Variants in ACACB observed in about 807,000 individuals in gnomAD.
The protein encoded by ACACB is acetyl-CoA carboxylase 2.
In ACACB, 209 loss-of-function variants were observed where a neutral mutation model predicts 278.8. That is an observed-to-expected ratio of 0.75 (90% CI 0.67 to 0.84). ACACB has a LOEUF of 0.84. Ranked by LOEUF, ACACB falls within the 40% of genes least tolerant of loss-of-function variation. The pLI is 0.00. For missense variants in ACACB, 2,850 were observed against 3,269.0 expected (o/e 0.87, Z 3.13); for synonymous variants, 1,174 against 1,285.6 (o/e 0.91, Z 1.86).
chr12:109,236,949 A>G (rs1478557666), intron 33 of ACACB, among the ~76,000 whole-genome samples: 4 of 152,062 alleles, frequency 2.6e-5, no homozygotes, highest in Non-Finnish European at 5.9e-5. Context: ...CAGGCTTGCA[A>G]TGCCCATAGC....
intron 52 of ACACB, 143 bp downstream of exon 52, chr12:109,265,668 C>T: frequency 9.4e-7 from 1 of 1,061,434 alleles, no homozygotes; most frequent in Non-Finnish European, 1.4e-6. Context: ...CCCCGCTCCC[C>T]AGCAAAGAGA....
At chr12:109,136,658 G>A (rs1047730323) in intron 1 of ACACB, among the ~76,000 whole-genome samples, 1 of 152,128 alleles carries the variant, frequency 6.6e-6, no homozygotes, top group Non-Finnish European at 1.5e-5. Context: ...CTGGTGTATA[G>A]AAACACAACT....
chr12:109,124,092 T>G (rs1227329804), intron 1 of ACACB, among the ~76,000 whole-genome samples: 1 of 152,122 alleles, frequency 6.6e-6, no homozygotes, highest in Non-Finnish European at 1.5e-5. Context: ...TTTTAAACCA[T>G]TGCCATAATT....
intron 11 of ACACB, among the ~76,000 whole-genome samples, chr12:109,182,682 T>C (rs1195351430): frequency 4.6e-5 from 7 of 152,222 alleles, no homozygotes; most frequent in Non-Finnish European, 1.0e-4. Context: ...GAGCTTCTTA[T>C]GTATTCTGGT....
intron 1 of ACACB, among the ~76,000 whole-genome samples, chr12:109,127,297 G>A (rs1466239150): frequency 6.6e-6 from 1 of 152,120 alleles, no homozygotes; most frequent in Non-Finnish European, 1.5e-5. Context: ...TGTGTGAAAT[G>A]GGATACTTGT....
Position 109,265,153 on chromosome 12 carries a change from G to A in ACACB, c.6986G>A (p.Arg2329His), listed in dbSNP as rs146268113. ...ACCGCACGCACCTTCCTGTATTGGC[G>A]TCTGCGCCGCCTCCTCCTGGAGGAC... is the stretch of plus-strand genomic sequence containing the variant. ...WKTARTFLYWRLRRLLLEDQV... is the reference protein window; with the variant it reads ...WKTARTFLYWHLRRLLLEDQV... Residue 2329 changes from arginine to histidine, a missense_variant, in exon 51 of 53, where the codon CGT becomes CAT. Arg to His is a conservative substitution (Grantham distance 29). Transcript: ENST00000338432. 3.2e-5 allele frequency: 52 copies of A among 1,613,754 alleles called. No individual in the cohort carries two copies. The highest frequency in any genetic ancestry group is 4.4e-5 in the South Asian group (4 of 91,060).
chr12:109,208,498 G>A (rs1397907129), intron 20 of ACACB, among the ~76,000 whole-genome samples: 14 of 152,080 alleles, frequency 9.2e-5, no homozygotes, highest in South Asian at 2.1e-4. Context: ...ATCAGCCACC[G>A]CACCCCACAA....
intron 21 of ACACB, 123 bp from the exon 22 acceptor site, chr12:109,212,713 C>A: frequency 1.3e-6 from 1 of 742,944 alleles, no homozygotes; most frequent in Non-Finnish European, 2.3e-6. Context: ...ACTGTTCAGC[C>A]AGTTCCTAAC....
Position 109,209,157 on chromosome 12 carries a change from C to T in ACACB, c.3061-8C>T, listed in dbSNP as rs369721534. 13 of 1,586,802 alleles carry T rather than the reference C, an allele frequency of 8.2e-6. 1 individual carries two copies. In the East Asian group the frequency reaches 1.8e-4, roughly 22 times the overall value. On this transcript the variant is annotated splice_polypyrimidine_tract_variant and splice_region_variant and intron_variant, in intron 20 of 52. Transcript: ENST00000338432. The stretch of plus-strand genomic sequence containing the variant: ...GGCTGGGGGCTGATGCTGTGGTCCC[C>T]GCTTCAGCTGAAGGAGTGGGTGCAG...
chr12:109,250,064 A>T lies in ACACB; in HGVS notation c.5750A>T (p.Glu1917Val). The change falls in exon 41 of 53, where the codon GAG becomes GTG. Residue 1917 changes from glutamate to valine, a missense_variant. Glu to Val is a moderately radical substitution (Grantham distance 121). Transcript: ENST00000338432. ...AGGGGCTCAGGCATGATTGCTGGGGAGTCCTCTCTGGCTTACGAAGAGATC... is the reference window on the plus strand; with the variant it reads ...AGGGGCTCAGGCATGATTGCTGGGGTGTCCTCTCTGGCTTACGAAGAGATC... ...NLRGSGMIAG[E>V]SSLAYEEIVT... is the part of the protein sequence containing the mutation. 3 of 1,612,922 alleles carry T rather than the reference A, an allele frequency of 1.9e-6. No individual in the cohort carries two copies. Among genetic ancestry groups the T allele is most frequent in the Middle Eastern group, 1.7e-4 (1 of 6,020 alleles).
At position 109,179,926 on chromosome 12, in the gene ACACB, C is replaced by T. The variant is rs374758183; in HGVS notation, c.1657C>T (p.Arg553Cys). 4.9e-5 allele frequency: 79 copies of T among 1,602,946 alleles called. No homozygotes were observed. The highest frequency in any genetic ancestry group is 5.9e-5 in the Non-Finnish European group (69 of 1,170,882). ...TTCTGTTTCTTCACAGTGTGCCATC[C>T]GCCTGGCCAAGACCGTGGGCTATGT... ...IFEFMEQCAI[R>C]LAKTVGYVSA... The change falls in exon 11 of 53, where the codon CGC becomes TGC. Residue 553 changes from arginine to cysteine, a missense_variant. Arg to Cys is a radical substitution (Grantham distance 180, BLOSUM62 -3). Around this residue, in one of 3 missense-constraint regions of ACACB, gnomAD observed 2,265 missense variants for 2,561.3 expected, o/e 0.88. Coordinates refer to ENST00000338432, the MANE Select transcript of ACACB (RefSeq NM_001093.4).
At chr12:109,235,062 CT>C (rs1433960248) in intron 31 of ACACB, among the ~76,000 whole-genome samples, 1 of 152,134 alleles carries the variant, frequency 6.6e-6, no homozygotes, top group Non-Finnish European at 1.5e-5. Flanking sequence ...AGTCACTCCC[CT>C]CTGTCCCCAA....
chr12:109,216,975 C>T (rs754189207), intron 24 of ACACB, 55 bp downstream of exon 24: 42 of 1,580,330 alleles, frequency 2.7e-5, no homozygotes, highest in African/African-American at 1.1e-4. Flanking sequence ...AGTCCACAAA[C>T]GTTTTCTTAA....
rs1171050764 is a variant in ACACB at position 109,266,391 on chromosome 12, C to T, written c.*29C>T. On this transcript the variant is annotated 3_prime_UTR_variant, in exon 53 of 53. Coordinates refer to ENST00000338432, the MANE Select transcript of ACACB (RefSeq NM_001093.4). Reference sequence around the variant, plus strand: ...TGGCCCGCCCAGCCACTCCCGGGACCACGGCAAAAGGAACCACCCAGACCC... The same window carrying T: ...TGGCCCGCCCAGCCACTCCCGGGACTACGGCAAAAGGAACCACCCAGACCC... 1 of 1,582,690 alleles carries T rather than the reference C, an allele frequency of 6.3e-7. No homozygotes were observed. Among genetic ancestry groups the T allele is most frequent in the Non-Finnish European group, 8.6e-7 (1 of 1,167,576 alleles).
At chr12:109,183,897 T>A (rs1038654731) in intron 11 of ACACB, among the ~76,000 whole-genome samples, 3 of 151,982 alleles carry the variant, frequency 2.0e-5, no homozygotes, top group African/African-American at 4.8e-5. Context: ...CAGAATTTTT[T>A]AAAAAGTTTT....
chr12:109,117,466 G>A (rs1288104139), intron 1 of ACACB, among the ~76,000 whole-genome samples: 1 of 151,962 alleles, frequency 6.6e-6, no homozygotes, highest in Non-Finnish European at 1.5e-5. Context: ...TTCTTTCAAT[G>A]TTGAAAAAAT....
chr12:109,193,094 G>T (rs1459879880), intron 15 of ACACB, among the ~76,000 whole-genome samples: 2 of 152,156 alleles, frequency 1.3e-5, no homozygotes, highest in African/African-American at 4.8e-5. Context: ...TATGGATTTT[G>T]CTCCTGAAAA....
At position 109,137,011 on chromosome 12, in the gene ACACB, C is replaced by T. The variant is rs563094613; in HGVS notation, c.-9-2386C>T. ...ATGTACTTTATTAAGTTGCAGTTCCCTTCTGTTCCTAATTTTCTGAATGTT... is the reference window on the plus strand; with the variant it reads ...ATGTACTTTATTAAGTTGCAGTTCCTTTCTGTTCCTAATTTTCTGAATGTT... On this transcript the variant is annotated intron_variant, in intron 1 of 52. Transcript: ENST00000338432. 2.0e-4 allele frequency among the ~76,000 whole-genome samples: 30 copies of T among 152,238 alleles called. 1 individual carries two copies. The highest frequency in any genetic ancestry group is 6.7e-4 in the African/African-American group (28 of 41,526).
At position 109,259,008 on chromosome 12, in the gene ACACB, C is replaced by T; in HGVS notation, c.6396C>T (p.Asp2132=). 3 of 1,614,186 alleles carry T rather than the reference C, an allele frequency of 1.9e-6. No homozygotes were observed. The highest frequency in any genetic ancestry group is 1.1e-5 in the South Asian group (1 of 91,078). ...IQQAGQVWFP[D]SAYKTAQAVK... ...AGGCAGGACAGGTGTGGTTCCCAGA[C>T]TCAGCCTACAAAACCGCCCAGGCCG... is the stretch of plus-strand genomic sequence containing the variant. Residue 2132 remains aspartate (D), a synonymous_variant, in exon 47 of 53, where the codon GAC becomes GAT. Coordinates refer to ENST00000338432, the MANE Select transcript of ACACB (RefSeq NM_001093.4).
Sources: gnomAD v4.1 joint callset for allele counts (sites outside exome capture counted in the v4.1 genomes callset) on GRCh38, gnomAD v4.1.1 for gene constraint, gnomAD v4.1.1 regional missense constraint, MANE v1.5 for transcripts, NCBI Gene and HGNC (gene_info 2026-07-23, HGNC 2026-07-21) for gene names.